The following CHCHD3 variants were observed in gnomAD, a reference collection of about 807,000 sequenced individuals.
The protein encoded by CHCHD3 is MICOS complex subunit MIC19.
CHCHD3 carries 20 observed loss-of-function variants against 38.2 expected under a neutral mutation model. That is an observed-to-expected ratio of 0.52 (90% confidence interval 0.37 to 0.76). The LOEUF (loss-of-function observed/expected upper bound fraction) is 0.76. Ranked by LOEUF, CHCHD3 falls within the 30% of genes least tolerant of loss-of-function variation. CHCHD3 has a pLI of 0.00. For synonymous variants in CHCHD3, 82 were observed against 100.0 expected (o/e 0.82, Z 1.07); for missense variants, 245 against 279.2 (o/e 0.88, Z 0.87).
intron 4 of CHCHD3, among the ~76,000 whole-genome samples, chr7:132,924,963 G>A (rs1225415093): frequency 2.0e-5 from 3 of 152,124 alleles, no homozygotes; most frequent in African/African-American, 4.8e-5. Flanking sequence ...AACACTGGGG[G>A]TGAACCTGTA....
chr7:133,080,261 TA>T (rs950660785), intron 1 of CHCHD3, among the ~76,000 whole-genome samples: 227 of 152,348 alleles, frequency 1.5e-3, no homozygotes, highest in African/African-American at 4.8e-3. Flanking sequence ...CATTTCTTTT[TA>T]AAAAACAAAA....
intron 4 of CHCHD3, among the ~76,000 whole-genome samples, chr7:132,957,859 A>T (rs1811221619): frequency 6.6e-6 from 1 of 152,192 alleles, no homozygotes; most frequent in African/African-American, 2.4e-5. Flanking sequence ...ACTAGAAACA[A>T]CTTCAGGCCA....
chr7:132,873,040 A>G (rs1239927079), intron 5 of CHCHD3, among the ~76,000 whole-genome samples: 7 of 152,092 alleles, frequency 4.6e-5, no homozygotes, highest in African/African-American at 1.4e-4. Context: ...CAGTGAGCCG[A>G]GATCGCACCA....
At position 132,938,059 on chromosome 7, in the gene CHCHD3, C is replaced by A. The variant is rs377745081; in HGVS notation, c.369+37110G>T. Among the ~76,000 whole-genome samples the A allele has an allele frequency of 3.9e-5, 6 of 152,280 alleles. No individual in the cohort carries two copies. In the East Asian group the frequency reaches 5.8e-4, roughly 15 times the overall value. On this transcript the variant is annotated intron_variant, in intron 4 of 7. Coordinates refer to ENST00000262570, the MANE Select transcript of CHCHD3 (RefSeq NM_017812.4). Reference sequence around the variant, plus strand: ...AATGGCAGGAATTTTAAAACCCCAGCAAATGCCTTCAACAACTTATGAAAA... The same window carrying A: ...AATGGCAGGAATTTTAAAACCCCAGAAAATGCCTTCAACAACTTATGAAAA...
intron 5 of CHCHD3, among the ~76,000 whole-genome samples, chr7:132,877,177 A>G (rs2117160320): frequency 6.6e-6 from 1 of 152,280 alleles, no homozygotes; most frequent in African/African-American, 2.4e-5. Context: ...CCTAGAAAAA[A>G]AGTAAGTCTC....
At chr7:132,920,232 A>G (rs1293309703) in intron 4 of CHCHD3, among the ~76,000 whole-genome samples, 1 of 152,182 alleles carries the variant, frequency 6.6e-6, no homozygotes, top group African/African-American at 2.4e-5. Flanking sequence ...TTCATTACTC[A>G]TTTTCTGTCG....
intron 2 of CHCHD3, among the ~76,000 whole-genome samples, chr7:133,057,326 C>A (rs956016410): frequency 6.6e-6 from 1 of 152,156 alleles, no homozygotes; most frequent in African/African-American, 2.4e-5. Context: ...CTTTGTGAAG[C>A]TGAGACAGAA....
intron 7 of CHCHD3, among the ~76,000 whole-genome samples, chr7:132,796,150 G>A (rs1245138846): frequency 6.6e-6 from 1 of 152,074 alleles, no homozygotes; most frequent in Non-Finnish European, 1.5e-5. Flanking sequence ...ATGACCTTGG[G>A]AACATTATTA....
intron 2 of CHCHD3, chr7:133,034,497 T>C: frequency 4.9e-6 from 4 of 819,862 alleles, no homozygotes; most frequent in Non-Finnish European, 7.2e-6. Context: ...CTTTCAGCAA[T>C]TGGATCCAGT....
intron 6 of CHCHD3, among the ~76,000 whole-genome samples, chr7:132,819,160 A>G (rs1047612968): frequency 2.6e-5 from 4 of 152,252 alleles, no homozygotes; most frequent in Non-Finnish European, 4.4e-5. Flanking sequence ...AGAAGGTTTC[A>G]GTTCAACTAA....
At chr7:132,887,065 A>ACAC in intron 4 of CHCHD3, 2 of 696,358 alleles carry the variant, frequency 2.9e-6, no homozygotes, top group Non-Finnish European at 2.0e-6. Context: ...ACACACACAC[A>ACAC]AAATCTGATG....
At chr7:132,866,932 A>G (rs1344827445) in intron 5 of CHCHD3, among the ~76,000 whole-genome samples, 1 of 152,200 alleles carries the variant, frequency 6.6e-6, no homozygotes, top group Non-Finnish European at 1.5e-5. Context: ...GATGAAACAC[A>G]TGGCTCTTTT....
chr7:132,904,354 A>G (rs1381472227), intron 4 of CHCHD3, among the ~76,000 whole-genome samples: 1 of 152,200 alleles, frequency 6.6e-6, no homozygotes, highest in African/African-American at 2.4e-5. Flanking sequence ...AGTTAAAGAC[A>G]CTTTTAGGAT....
At chr7:132,943,354 ATGT>A (rs1360756858) in intron 4 of CHCHD3, among the ~76,000 whole-genome samples, 5 of 152,278 alleles carry the variant, frequency 3.3e-5, no homozygotes, top group South Asian at 2.1e-4. Context: ...ATAAATAATA[ATGT>A]TGTGCTGGTT....
chr7:132,789,790 C>T (rs1412028668), intron 7 of CHCHD3, among the ~76,000 whole-genome samples: 1 of 152,036 alleles, frequency 6.6e-6, no homozygotes, highest in East Asian at 1.9e-4. Flanking sequence ...AGACTTCAGG[C>T]CTCATAAAGC....
chr7:133,074,853 T>C (rs1260227059), intron 1 of CHCHD3, among the ~76,000 whole-genome samples: 1 of 152,232 alleles, frequency 6.6e-6, no homozygotes, highest in Non-Finnish European at 1.5e-5. Context: ...GGAGGGATTT[T>C]AGTGTTTTGC....
At chr7:132,967,096 G>A (rs113869231) in intron 4 of CHCHD3, among the ~76,000 whole-genome samples, 22 of 152,042 alleles carry the variant, frequency 1.4e-4, no homozygotes, top group African/African-American at 4.1e-4. Context: ...AAGTTATTAC[G>A]GCTAACACAC....
chr7:132,869,249 C>T (rs1808707006), intron 5 of CHCHD3, among the ~76,000 whole-genome samples: 1 of 152,192 alleles, frequency 6.6e-6, no homozygotes, highest in Non-Finnish European at 1.5e-5. Flanking sequence ...ATGTCACAAC[C>T]ACAACCTCTA....
chr7:133,049,635 G>C (rs565102044), intron 2 of CHCHD3, among the ~76,000 whole-genome samples: 1 of 152,272 alleles, frequency 6.6e-6, no homozygotes, highest in South Asian at 2.1e-4. Flanking sequence ...GAGAAGCAAA[G>C]TATGTTTGAA....
Sources: allele counts gnomAD v4.1 joint callset (sites outside exome capture counted in the v4.1 genomes callset), GRCh38; gene constraint gnomAD v4.1.1; transcripts MANE v1.5; gene names NCBI Gene and HGNC (gene_info 2026-07-23, HGNC 2026-07-21).